TBC1D22A: variants seen among roughly 807,000 people sequenced by gnomAD.
The protein encoded by TBC1D22A is TBC1 domain family member 22A, also known as putative GTPase activator.
A neutral mutation model predicts 60.2 loss-of-function variants in TBC1D22A; 38 were observed. The observed-to-expected ratio is 0.63, with a 90% CI of 0.49 to 0.83. The LOEUF (loss-of-function observed/expected upper bound fraction) is 0.83. Ranked by LOEUF, TBC1D22A falls within the 40% of genes least tolerant of loss-of-function variation. The probability of loss-of-function intolerance (pLI) is 0.00; values close to 1 mark genes in which losing one functional copy is unlikely to be tolerated. For missense variants in TBC1D22A, 628 were observed against 701.0 expected, an observed-to-expected ratio of 0.90 and a Z score of 1.18; for synonymous variants, 302 against 281.7, an observed-to-expected ratio of 1.07 and a Z score of -0.72.
chr22:46,763,206 C>T (rs939395691), intron 1 of TBC1D22A: 3 of 259,172 alleles, frequency 1.2e-5, no homozygotes, highest in East Asian at 7.7e-5. Context: ...CGGGCTGAGG[C>T]CCCCCGTCTG....
chr22:46,941,413 TACGGAATATACACGGAATATATATAC>T lies in TBC1D22A; in HGVS notation c.1015+29236_1015+29261del, dbSNP rs1450112729. On this transcript the variant is annotated intron_variant, in intron 8 of 12. Transcript: ENST00000337137. ...GGAATATATATACACAGAATATATATACGGAATATACACGGAATATATATACACGGAATATATATACGGAATATATA... is the reference window on the plus strand; with the variant it reads ...GGAATATATATACACAGAATATATATACGGAATATATATACGGAATATATA... Among the ~76,000 whole-genome samples the T allele has an allele frequency of 5.5e-3, 435 of 79,422 alleles. 5 individuals carry two copies. Among genetic ancestry groups the T allele is most frequent in the Non-Finnish European group, 7.8e-3 (313 of 40,020 alleles). The allele number at this position is 79,422 out of a possible 152,430, so 52.1% of individuals were successfully genotyped here. A position where few individuals can be genotyped will look rare whatever the true frequency, so the allele number is the denominator to read the frequency against.
At chr22:46,951,734 A>T (rs1458349920) in intron 8 of TBC1D22A, among the ~76,000 whole-genome samples, 1 of 152,208 alleles carries the variant, frequency 6.6e-6, no homozygotes, top group Middle Eastern at 3.2e-3. Context: ...AAATTCATAA[A>T]CCTGATTTAT....
chr22:46,918,876 G>A (rs1215585598), intron 8 of TBC1D22A, among the ~76,000 whole-genome samples: 1 of 152,074 alleles, frequency 6.6e-6, no homozygotes, highest in African/African-American at 2.4e-5. Context: ...AAAATTGTCC[G>A]AAGAACCCGC....
intron 4 of TBC1D22A, among the ~76,000 whole-genome samples, chr22:46,846,537 T>C (rs190830569): frequency 7.2e-5 from 11 of 152,278 alleles, no homozygotes; most frequent in African/African-American, 1.2e-4. Flanking sequence ...CATCAATCAT[T>C]GTCATCAGGC....
At position 46,788,159 on chromosome 22, in the gene TBC1D22A, A is replaced by C. The variant is rs549549205; in HGVS notation, c.63-4361A>C. 3.9e-5 allele frequency among the ~76,000 whole-genome samples: 6 copies of C among 151,968 alleles called. No homozygotes were observed. The South Asian group carries it at 1.2e-3, about 32-fold the overall frequency. On this transcript the variant is annotated intron_variant, in intron 1 of 12. Coordinates refer to ENST00000337137, the MANE Select transcript of TBC1D22A (RefSeq NM_014346.5). Reference sequence around the variant, plus strand: ...CACTGTGTTAGCCAGGACGGTCTCGATCTCCAGACCTCGTGATCCACCCGC... The same window carrying C: ...CACTGTGTTAGCCAGGACGGTCTCGCTCTCCAGACCTCGTGATCCACCCGC...
intron 8 of TBC1D22A, among the ~76,000 whole-genome samples, chr22:46,928,970 A>G (rs1246001008): frequency 2.0e-5 from 3 of 152,154 alleles, no homozygotes; most frequent in Non-Finnish European, 4.4e-5. Context: ...CGGGGGATTG[A>G]CTGTTAATGG....
chr22:47,119,571 G>A (rs112843275), intron 12 of TBC1D22A, among the ~76,000 whole-genome samples: 3,818 of 151,066 alleles, frequency 0.025, 164 homozygotes, highest in African/African-American at 0.089. Context: ...ATCTCGGCTC[G>A]CTGCAGCCTC....
chr22:46,875,979 A>G lies in TBC1D22A; in HGVS notation c.638-2674A>G, dbSNP rs569329709. Among the ~76,000 whole-genome samples the G allele has an allele frequency of 1.4e-4, 22 of 152,280 alleles. No homozygotes were observed. In the South Asian group the frequency reaches 2.9e-3, roughly 20 times the overall value. On this transcript the variant is annotated intron_variant, in intron 4 of 12. Coordinates refer to ENST00000337137, the MANE Select transcript of TBC1D22A (RefSeq NM_014346.5). ...GACCCCCCCTGTCATTGGCGCTCAC[A>G]GAAGAGATAAGTGAGTGAGGACTGT...
At chr22:46,897,635 G>GTTTTTTTTTTTTTTTTTTT (rs1602366020) in intron 7 of TBC1D22A, among the ~76,000 whole-genome samples, 4 of 125,548 alleles carry the variant, frequency 3.2e-5, no homozygotes, top group East Asian at 2.2e-4. Flanking sequence ...GTTTTGTTTC[G>GTTTTTTTTTTTTTTTTTTT]TTTTGTTTTT....
rs1383433956 is a variant in TBC1D22A at position 46,941,421 on chromosome 22, A to G, written c.1015+29233A>G. ...TATACACAGAATATATATACGGAAT[A>G]TACACGGAATATATATACACGGAAT... On this transcript the variant is annotated intron_variant, in intron 8 of 12. Coordinates refer to ENST00000337137, the MANE Select transcript of TBC1D22A (RefSeq NM_014346.5). Among the ~76,000 whole-genome samples, 4 of 77,882 alleles carry G rather than the reference A, an allele frequency of 5.1e-5. 1 individual carries two copies. Among genetic ancestry groups the G allele is most frequent in the African/African-American group, 1.2e-4 (2 of 17,200 alleles). 51.1% of individuals were successfully genotyped at this position (77,882 alleles called of 152,430 possible).
At chr22:46,922,904 T>A (rs2070838845) in intron 8 of TBC1D22A, among the ~76,000 whole-genome samples, 1 of 152,218 alleles carries the variant, frequency 6.6e-6, no homozygotes. Context: ...TCCTATTGAA[T>A]GCCTTTTATT....
intron 8 of TBC1D22A, among the ~76,000 whole-genome samples, chr22:46,947,088 C>T (rs1279914602): frequency 1.3e-5 from 2 of 151,716 alleles, no homozygotes; most frequent in African/African-American, 2.4e-5. Flanking sequence ...CAGGCCACAC[C>T]GTTATGTGGA....
intron 12 of TBC1D22A, among the ~76,000 whole-genome samples, chr22:47,114,735 G>T (rs1405502159): frequency 6.6e-6 from 1 of 152,114 alleles, no homozygotes. Flanking sequence ...GGGAAATGAT[G>T]TGTGGCTTTA....
intron 1 of TBC1D22A, among the ~76,000 whole-genome samples, chr22:46,772,060 T>G (rs1303949661): frequency 7.0e-6 from 1 of 142,024 alleles, no homozygotes; most frequent in African/African-American, 2.7e-5. Flanking sequence ...CATATACATA[T>G]ATATGTATAC....
chr22:46,807,018 A>G (rs1428786764), intron 4 of TBC1D22A, among the ~76,000 whole-genome samples: 1 of 152,248 alleles, frequency 6.6e-6, no homozygotes, highest in Non-Finnish European at 1.5e-5. Context: ...GATATTTTAT[A>G]AGAGGATTGG....
chr22:46,875,639 A>T (rs138839005), intron 4 of TBC1D22A, among the ~76,000 whole-genome samples: 1 of 152,170 alleles, frequency 6.6e-6, no homozygotes, highest in East Asian at 1.9e-4. Context: ...TTTAGTAGAG[A>T]TGGGGTTTCA....
intron 12 of TBC1D22A, among the ~76,000 whole-genome samples, chr22:47,136,147 C>T (rs2066863151): frequency 1.3e-5 from 2 of 152,242 alleles, no homozygotes. Context: ...GGCCAAGGCC[C>T]AGGCTCCCTC....
intron 11 of TBC1D22A, among the ~76,000 whole-genome samples, chr22:47,100,174 TCA>T (rs1347986885): frequency 6.6e-6 from 1 of 152,198 alleles, no homozygotes; most frequent in Non-Finnish European, 1.5e-5. Flanking sequence ...TCTTAGTACT[TCA>T]CACAGTGCCA....
intron 5 of TBC1D22A, among the ~76,000 whole-genome samples, chr22:46,887,822 G>A (rs11090907): frequency 0.013 from 1,946 of 152,272 alleles, 56 homozygotes; most frequent in African/African-American, 0.044. Context: ...ACTTCAATAA[G>A]CATTTATTAA....
Sources: allele counts gnomAD v4.1 joint callset (sites outside exome capture counted in the v4.1 genomes callset), GRCh38; gene constraint gnomAD v4.1.1; transcripts MANE v1.5; gene names NCBI Gene and HGNC (gene_info 2026-07-23, HGNC 2026-07-21).